CCDC7: variants seen among roughly 807,000 people sequenced by gnomAD.
CCDC7 encodes coiled-coil domain-containing protein 7.
In CCDC7, 183 loss-of-function variants were observed where a neutral mutation model predicts 196.9. That is an observed-to-expected ratio of 0.93 (90% CI 0.82 to 1.05). The LOEUF is 1.05. Ranked by LOEUF, CCDC7 falls within the 50% of genes least tolerant of loss-of-function variation. CCDC7 has a pLI of 0.00. For missense variants in CCDC7, 1,540 were observed against 1,482.2 expected (o/e 1.04, Z -0.64); for synonymous variants, 525 against 484.6 (o/e 1.08, Z -1.10).
At chr10:32,655,400 G>C (rs927403006) in intron 20 of CCDC7, among the ~76,000 whole-genome samples, 1 of 152,028 alleles carries the variant, frequency 6.6e-6, no homozygotes, top group African/African-American at 2.4e-5. Context: ...TATCTTTTGC[G>C]TTTTTCATTA....
intron 18 of CCDC7, among the ~76,000 whole-genome samples, chr10:32,611,950 C>G (rs57578061): frequency 0.053 from 8,071 of 152,084 alleles, 712 homozygotes; most frequent in African/African-American, 0.18. Context: ...TTCTAATTCT[C>G]TGAAGAAAGT....
chr10:32,584,501 T>C (rs2059043077), intron 18 of CCDC7, among the ~76,000 whole-genome samples, 197 bp downstream of exon 19: 1 of 151,910 alleles, frequency 6.6e-6, no homozygotes, highest in Non-Finnish European at 1.5e-5. Flanking sequence ...CTCATGCCTG[T>C]AATCCCAGCA....
intron 18 of CCDC7, among the ~76,000 whole-genome samples, chr10:32,615,410 G>A (rs1341235235): frequency 3.9e-5 from 6 of 151,950 alleles, no homozygotes; most frequent in African/African-American, 4.8e-5. Flanking sequence ...TTTTTTATTT[G>A]CATTTCTCTG....
Position 32,522,282 on chromosome 10 carries a change from G to A in CCDC7, c.993+3777G>A, listed in dbSNP as rs140699917. 8.4e-3 allele frequency among the ~76,000 whole-genome samples: 1,278 copies of A among 152,246 alleles called. 28 individuals carry two copies. Among genetic ancestry groups the A allele is most frequent in the African/African-American group, 0.028 (1,177 of 41,540 alleles). On this transcript the variant is annotated intron_variant, in intron 11 of 41. Coordinates refer to ENST00000639629, the Ensembl canonical transcript of CCDC7. Reference sequence around the variant, plus strand: ...TTCTTTAAATGTTTGGTAAAATTCAGCAGTGAAGCCACTGGGTCCTGGGCT... The same window carrying A: ...TTCTTTAAATGTTTGGTAAAATTCAACAGTGAAGCCACTGGGTCCTGGGCT...
At chr10:32,622,863 TA>T (rs1211234473) in intron 18 of CCDC7, among the ~76,000 whole-genome samples, 1 of 152,174 alleles carries the variant, frequency 6.6e-6, no homozygotes, top group Admixed American at 6.6e-5. Flanking sequence ...ATAATAAGTT[TA>T]AAAAATAGAT....
chr10:32,563,137 A>C (rs200151345), intron 13 of CCDC7, among the ~76,000 whole-genome samples: 6 of 151,982 alleles, frequency 3.9e-5, no homozygotes, highest in Non-Finnish European at 7.4e-5. Context: ...CCACTGCTCA[A>C]TGAAATAAAA....
intron 28 of CCDC7, among the ~76,000 whole-genome samples, chr10:32,776,536 G>T (rs1030062267): frequency 1.3e-5 from 2 of 151,858 alleles, no homozygotes; most frequent in Non-Finnish European, 2.9e-5. Context: ...ATTCATTCCA[G>T]GTTTTTATAC....
intron 18 of CCDC7, among the ~76,000 whole-genome samples, chr10:32,602,791 C>T (rs932524817): frequency 7.2e-5 from 11 of 152,110 alleles, no homozygotes; most frequent in Admixed American, 7.2e-4. Context: ...GCCATATCAT[C>T]ATCATTCCTA....
intron 28 of CCDC7, among the ~76,000 whole-genome samples, chr10:32,737,930 T>C (rs970176505): frequency 2.0e-5 from 3 of 152,206 alleles, no homozygotes; most frequent in Non-Finnish European, 2.9e-5. Flanking sequence ...AGCCAATTTC[T>C]GGTAGACACC....
intron 13 of CCDC7, among the ~76,000 whole-genome samples, chr10:32,564,516 T>C (rs1292606612): frequency 1.3e-5 from 2 of 151,840 alleles, no homozygotes; most frequent in Non-Finnish European, 1.5e-5. Flanking sequence ...ATGGATGAAA[T>C]TGGAAATCAT....
At chr10:32,821,825 G>C (rs938727791) in intron 31 of CCDC7, among the ~76,000 whole-genome samples, 1 of 152,064 alleles carries the variant, frequency 6.6e-6, no homozygotes, top group Non-Finnish European at 1.5e-5. Context: ...GTGGGGGTAG[G>C]GGGAGGGATA....
intron 20 of CCDC7, among the ~76,000 whole-genome samples, chr10:32,659,500 CCACAATAAAGCAAATAT>C (rs1199421201): frequency 6.6e-6 from 1 of 152,062 alleles, no homozygotes; most frequent in Non-Finnish European, 1.5e-5. Flanking sequence ...TTCTAGAACA[CCACAATAAAGCAAATAT>C]CACAATAAAG....
intron 16 of CCDC7, among the ~76,000 whole-genome samples, chr10:32,576,083 G>C (rs2058147889): frequency 6.6e-6 from 1 of 152,128 alleles, no homozygotes; most frequent in African/African-American, 2.4e-5. Context: ...CCCAGGGTCA[G>C]ATATGTTCAC....
At chr10:32,811,144 A>G (rs2086996149) in intron 30 of CCDC7, among the ~76,000 whole-genome samples, 1 of 152,054 alleles carries the variant, frequency 6.6e-6, no homozygotes, top group African/African-American at 2.4e-5. Context: ...AAAAATTAAT[A>G]GAAGAAAAGC....
chr10:32,652,051 G>A (rs80325335), intron 20 of CCDC7, among the ~76,000 whole-genome samples: 21,442 of 151,942 alleles, frequency 0.14, 1,841 homozygotes, highest in African/African-American at 0.25. Flanking sequence ...ACGTTCAATC[G>A]CTTTTAGTCT....
chr10:32,743,584 T>A (rs183234470), intron 28 of CCDC7, among the ~76,000 whole-genome samples: 7 of 152,256 alleles, frequency 4.6e-5, no homozygotes, highest in Admixed American at 1.3e-4. Flanking sequence ...AGTGTGGTGA[T>A]TCCTCAAGGA....
At position 32,457,079 on chromosome 10, in the gene CCDC7, A is replaced by T. The variant is rs889665584; in HGVS notation, c.456+745A>T. ...TGGTCACCCTATAGTGCTGTAGAAC[A>T]CTATAACTTATTTCTCCTATCTAGC... On this transcript the variant is annotated intron_variant, in intron 3 of 41. Transcript: ENST00000639629. 5.9e-5 allele frequency among the ~76,000 whole-genome samples: 9 copies of T among 151,924 alleles called. No homozygotes were observed. In the South Asian group the frequency reaches 1.9e-3, roughly 32 times the overall value.
At chr10:32,550,203 T>G (rs2053237153) in intron 13 of CCDC7, among the ~76,000 whole-genome samples, 1 of 151,986 alleles carries the variant, frequency 6.6e-6, no homozygotes, top group Non-Finnish European at 1.5e-5. Context: ...CTTGATTTGA[T>G]TTTCCGCTTG....
intron 11 of CCDC7, among the ~76,000 whole-genome samples, chr10:32,536,219 A>C (rs1276483488): frequency 1.3e-5 from 2 of 152,100 alleles, no homozygotes. Context: ...GGGTGGTTGC[A>C]ATTTTCTCCC....
Sources: gnomAD v4.1 joint callset for allele counts (sites outside exome capture counted in the v4.1 genomes callset) on GRCh38, gnomAD v4.1.1 for gene constraint, MANE v1.5 for transcripts, NCBI Gene and HGNC (gene_info 2026-07-23, HGNC 2026-07-21) for gene names.